PPFIA1: variants seen among roughly 807,000 people sequenced by gnomAD.
PPFIA1 encodes PPFI scaffold protein A1.
A neutral mutation model predicts 149.9 loss-of-function variants in PPFIA1; 25 were observed. The observed-to-expected ratio is 0.17, with a 90% CI of 0.12 to 0.23. The LOEUF (loss-of-function observed/expected upper bound fraction) is 0.23, where lower values mean the gene tolerates loss of function less well. PPFIA1 is among the 10% of genes least tolerant of loss of function. PPFIA1 has a pLI of 1.00. For missense variants in PPFIA1, 1,362 were observed against 1,506.5 expected (o/e 0.90, Z 1.59); for synonymous variants, 549 against 552.8 (o/e 0.99, Z 0.10).
intron 16 of PPFIA1, among the ~76,000 whole-genome samples, chr11:70,351,257 C>T (rs142435167): frequency 1.9e-3 from 295 of 152,318 alleles, no homozygotes; most frequent in African/African-American, 6.6e-3. Context: ...CATTCTCTCA[C>T]CTTTTCAGCC....
rs1377763879 is a variant in PPFIA1 at position 70,296,657 on chromosome 11, CAGAGGGAGACCGTGGAAAGAGAGGG to C, written c.264+24237_264+24261del. On this transcript the variant is annotated intron_variant, in intron 2 of 27. Coordinates refer to ENST00000253925, the MANE Select transcript of PPFIA1 (RefSeq NM_003626.5). ...GTACAGTCCAGCTTCGGCTCAGCAT[CAGAGGGAGACCGTGGAAAGAGAGGG>C]AGAGGGAGACCGTGGGGAGCGGGAG... is the stretch of plus-strand genomic sequence containing the variant. Among the ~76,000 whole-genome samples, 27 of 148,228 alleles carry C rather than the reference CAGAGGGAGACCGTGGAAAGAGAGGG, an allele frequency of 1.8e-4. No individual in the cohort carries two copies. In the East Asian group the frequency reaches 3.9e-3, roughly 21 times the overall value.
chr11:70,362,048 A>G (rs1485825166), intron 19 of PPFIA1, 47 bp from the exon 20 acceptor site: 3 of 1,570,016 alleles, frequency 1.9e-6, no homozygotes, highest in South Asian at 1.1e-5. Context: ...GGTGTGAGCT[A>G]CCATGCCTGG....
At chr11:70,354,065 A>T in intron 16 of PPFIA1, 1 of 456,506 alleles carries the variant, frequency 2.2e-6, no homozygotes, top group Non-Finnish European at 3.9e-6. Context: ...GATGAGGGGC[A>T]TACCTGTGTC....
At chr11:70,302,241 T>C (rs999562496) in intron 2 of PPFIA1, among the ~76,000 whole-genome samples, 3 of 151,864 alleles carry the variant, frequency 2.0e-5, no homozygotes, top group Non-Finnish European at 4.4e-5. Context: ...AGAGGCTCGA[T>C]TGGAGGAGGG....
intron 2 of PPFIA1, among the ~76,000 whole-genome samples, chr11:70,297,216 C>T (rs2052122131): frequency 6.6e-6 from 1 of 152,046 alleles, no homozygotes; most frequent in Non-Finnish European, 1.5e-5. Context: ...CGAGACCAGC[C>T]TGAGCAACAT....
intron 2 of PPFIA1, among the ~76,000 whole-genome samples, chr11:70,290,568 C>T (rs1299551591): frequency 2.0e-5 from 3 of 152,200 alleles, no homozygotes. Context: ...TGGCTGAATC[C>T]TGTAGACTTG....
At chr11:70,380,411 CAA>C (rs1183784440) in intron 26 of PPFIA1, among the ~76,000 whole-genome samples, 34 of 113,028 alleles carry the variant, frequency 3.0e-4, no homozygotes, top group African/African-American at 5.5e-4. Flanking sequence ...ACTAAAAATA[CAA>C]AAAAAAAAAA....
chr11:70,370,790 T>C (rs1034041273), intron 21 of PPFIA1, among the ~76,000 whole-genome samples: 1 of 152,230 alleles, frequency 6.6e-6, no homozygotes, highest in East Asian at 1.9e-4. Flanking sequence ...TTGTTTTAAC[T>C]GTTTCCCACA....
intron 2 of PPFIA1, among the ~76,000 whole-genome samples, chr11:70,293,916 G>C (rs958790092): frequency 2.7e-5 from 4 of 149,728 alleles, no homozygotes; most frequent in African/African-American, 7.4e-5. Context: ...ATACTCTGTA[G>C]TTCCTGCACA....
At chr11:70,314,107 C>T (rs2053451880) in intron 2 of PPFIA1, among the ~76,000 whole-genome samples, 1 of 152,184 alleles carries the variant, frequency 6.6e-6, no homozygotes, top group South Asian at 2.1e-4. Context: ...AGGCACACTG[C>T]ATAGGGTGAG....
intron 21 of PPFIA1, among the ~76,000 whole-genome samples, chr11:70,369,185 TG>T (rs1565457730): frequency 6.6e-6 from 1 of 152,210 alleles, no homozygotes; most frequent in Non-Finnish European, 1.5e-5. Flanking sequence ...CCGGAATGCT[TG>T]GAGTTCCATA....
intron 2 of PPFIA1, among the ~76,000 whole-genome samples, chr11:70,279,943 CTG>C (rs1306971892): frequency 3.3e-5 from 4 of 120,340 alleles, no homozygotes; most frequent in African/African-American, 1.6e-4. Flanking sequence ...GGGTCTCGCT[CTG>C]TTGCCCAGGC....
At chr11:70,314,411 T>C (rs531647244) in intron 2 of PPFIA1, among the ~76,000 whole-genome samples, 1 of 152,170 alleles carries the variant, frequency 6.6e-6, no homozygotes, top group East Asian at 1.9e-4. Flanking sequence ...ACACCGTGTA[T>C]TCTGGTCATG....
chr11:70,318,978 T>C (rs993340488), intron 2 of PPFIA1, among the ~76,000 whole-genome samples: 2 of 152,220 alleles, frequency 1.3e-5, no homozygotes, highest in African/African-American at 4.8e-5. Context: ...ACAAAATGAT[T>C]ATCCCCATTT....
chr11:70,354,218 C>T, intron 16 of PPFIA1, 83 bp from the exon 17 acceptor site: 1 of 1,411,708 alleles, frequency 7.1e-7, no homozygotes, highest in Non-Finnish European at 9.7e-7. Context: ...AATCGATTTT[C>T]AAAGAAGTTT....
chr11:70,380,661 G>A (rs193076132), intron 26 of PPFIA1, among the ~76,000 whole-genome samples: 1 of 151,640 alleles, frequency 6.6e-6, no homozygotes, highest in East Asian at 2.0e-4. Flanking sequence ...CTTGAACCTG[G>A]GAGGCAGAGG....
intron 7 of PPFIA1, 129 bp downstream of exon 7, chr11:70,326,947 G>A: frequency 2.5e-6 from 2 of 785,082 alleles, no homozygotes; most frequent in East Asian, 2.7e-5. Context: ...TATTGTATAA[G>A]TTATATTGAA....
At chr11:70,316,138 C>G (rs962435877) in intron 2 of PPFIA1, among the ~76,000 whole-genome samples, 1 of 152,032 alleles carries the variant, frequency 6.6e-6, no homozygotes, top group African/African-American at 2.4e-5. Flanking sequence ...GTGGCGCAGT[C>G]TCGGCTCACT....
chr11:70,271,732 G>C (rs2050104380), intron 1 of PPFIA1, among the ~76,000 whole-genome samples: 1 of 152,108 alleles, frequency 6.6e-6, no homozygotes, highest in African/African-American at 2.4e-5. Context: ...AGTTTTGCTG[G>C]TTGTATGCTC....
Sources: allele counts gnomAD v4.1 joint callset (sites outside exome capture counted in the v4.1 genomes callset), GRCh38; gene constraint gnomAD v4.1.1; transcripts MANE v1.5; gene names NCBI Gene and HGNC (gene_info 2026-07-23, HGNC 2026-07-21).